RHOU: variants seen among roughly 807,000 people sequenced by gnomAD.
RHOU encodes the protein ras homolog family member U.
RHOU carries 8 observed loss-of-function variants against 12.6 expected under a neutral mutation model. The ratio of observed to expected loss-of-function variants is 0.64; its 90% CI spans 0.37 to 1.15. The LOEUF (loss-of-function observed/expected upper bound fraction) is 1.15. RHOU is among the 50% of genes most tolerant of loss of function. The pLI is 0.01. For missense variants in RHOU, 258 were observed against 347.0 expected, an observed-to-expected ratio of 0.74 and a Z score of 2.04; for synonymous variants, 161 against 147.4, an observed-to-expected ratio of 1.09 and a Z score of -0.67.
At chr1:228,657,745 G>A in the RHOU span, among the ~76,000 whole-genome samples, 1 of 152,138 alleles carries the variant, frequency 6.6e-6, no homozygotes, top group Non-Finnish European at 1.5e-5. Flanking sequence ...AGTGCACACA[G>A]GACATTCTCC....
chr1:228,688,177 G>A, the RHOU span, among the ~76,000 whole-genome samples: 629 of 152,238 alleles, frequency 4.1e-3, 1 homozygote, highest in Non-Finnish European at 6.4e-3. Context: ...TTGTGACTTG[G>A]GGTTTTCTGG....
At chr1:228,671,940 T>G in the RHOU span, among the ~76,000 whole-genome samples, 2 of 152,220 alleles carry the variant, frequency 1.3e-5, 1 homozygote, top group South Asian at 4.1e-4. Flanking sequence ...TCTGTTCTTG[T>G]ACATTCTTTT....
the RHOU span, among the ~76,000 whole-genome samples, chr1:228,728,421 A>G: frequency 1.3e-5 from 2 of 152,360 alleles, no homozygotes; most frequent in Non-Finnish European, 1.5e-5. Context: ...ATAAATAGCC[A>G]TGGTGGAAGA....
chr1:228,690,103 C>G, the RHOU span, among the ~76,000 whole-genome samples: 6 of 152,106 alleles, frequency 3.9e-5, no homozygotes, highest in Non-Finnish European at 7.3e-5. Flanking sequence ...TGTTAAAGAG[C>G]TACCTCTCTG....
Position 228,743,823 on chromosome 1 carries a change from C to T in RHOU, c.*83C>T, listed in dbSNP as rs147751132. 26 of 1,163,846 alleles carry T rather than the reference C, an allele frequency of 2.2e-5. No individual in the cohort carries two copies. The highest frequency in any genetic ancestry group is 2.0e-4 in the Middle Eastern group (1 of 4,980). The allele number at this position is 1,163,846 out of a possible 1,614,324, so 72.1% of individuals were successfully genotyped here. A position where few individuals can be genotyped will look rare whatever the true frequency, so the allele number is the denominator to read the frequency against. On this transcript the variant is annotated 3_prime_UTR_variant, in exon 3 of 3. Transcript: ENST00000366691. This position sits in a 1 kb window ranked among gnomAD's most constrained non-coding sequence, Gnocchi z 5.1. ...TTAGCTGAAACAACTCCTTTTACTGCGTAGAACCTATATCGAGAGTGTGTG... is the reference window on the plus strand; with the variant it reads ...TTAGCTGAAACAACTCCTTTTACTGTGTAGAACCTATATCGAGAGTGTGTG...
the RHOU span, among the ~76,000 whole-genome samples, chr1:228,664,879 C>T: frequency 1.3e-5 from 2 of 151,736 alleles, no homozygotes; most frequent in African/African-American, 4.8e-5. Context: ...GGTGATCCAC[C>T]GACCTCAGGT....
chr1:228,663,834 T>C, the RHOU span, among the ~76,000 whole-genome samples: 1 of 151,650 alleles, frequency 6.6e-6, no homozygotes, highest in Non-Finnish European at 1.5e-5. Context: ...GGCTTCACCA[T>C]GTTGGCCAGG....
chr1:228,651,888 G>T, the RHOU span, among the ~76,000 whole-genome samples: 2 of 152,168 alleles, frequency 1.3e-5, no homozygotes, highest in Admixed American at 1.3e-4. Context: ...GGTTTGTGGA[G>T]ACATGATATA....
chr1:228,689,380 C>T, the RHOU span, among the ~76,000 whole-genome samples: 1 of 152,108 alleles, frequency 6.6e-6, no homozygotes, highest in Non-Finnish European at 1.5e-5. Context: ...GTGAGAAACG[C>T]GATTGGGACA....
chr1:228,680,268 G>T, the RHOU span, among the ~76,000 whole-genome samples: 20 of 152,258 alleles, frequency 1.3e-4, no homozygotes, highest in Non-Finnish European at 2.5e-4. Flanking sequence ...GGCTCCAGGG[G>T]CTTCAGGAGC....
chr1:228,691,771 G>C, the RHOU span, among the ~76,000 whole-genome samples: 1 of 152,130 alleles, frequency 6.6e-6, no homozygotes, highest in East Asian at 1.9e-4. Flanking sequence ...TTAATCCTCA[G>C]TATCTAAGAA....
At chr1:228,699,447 CAAAAAAAAAAAAA>C in the RHOU span, among the ~76,000 whole-genome samples, 5 of 40,582 alleles carry the variant, frequency 1.2e-4, no homozygotes, top group African/African-American at 2.2e-4. Context: ...GAACCTGTCT[CAAAAAAAAAAAAA>C]AAAAAAAAAA....
the RHOU span, among the ~76,000 whole-genome samples, chr1:228,680,375 C>T: frequency 6.6e-6 from 1 of 152,088 alleles, no homozygotes; most frequent in Non-Finnish European, 1.5e-5. Context: ...ATTCTGAGGC[C>T]CAGTGGCCAG....
chr1:228,707,562 C>A, the RHOU span, among the ~76,000 whole-genome samples: 2 of 151,808 alleles, frequency 1.3e-5, no homozygotes, highest in Non-Finnish European at 2.9e-5. Context: ...ACACCTCACA[C>A]GGCCGGGTAC....
At chr1:228,661,044 G>T in the RHOU span, among the ~76,000 whole-genome samples, 1 of 151,560 alleles carries the variant, frequency 6.6e-6, no homozygotes, top group South Asian at 2.1e-4. Context: ...ACCAATAACA[G>T]ACAAACAGAG....
At chr1:228,716,537 T>C in the RHOU span, among the ~76,000 whole-genome samples, 2 of 152,186 alleles carry the variant, frequency 1.3e-5, no homozygotes, top group Non-Finnish European at 2.9e-5. Flanking sequence ...ACACACATTA[T>C]AGTTTAATAT....
the RHOU span, among the ~76,000 whole-genome samples, chr1:228,705,299 T>C: frequency 6.6e-6 from 1 of 152,200 alleles, no homozygotes; most frequent in Non-Finnish European, 1.5e-5. Context: ...CCACTGTAAT[T>C]TTAAATTACC....
chr1:228,729,745 C>A, the RHOU span, among the ~76,000 whole-genome samples: 7 of 152,200 alleles, frequency 4.6e-5, no homozygotes, highest in Non-Finnish European at 7.3e-5. Context: ...TATAAAACAA[C>A]ATAAACAGTT....
the RHOU span, among the ~76,000 whole-genome samples, chr1:228,646,974 C>T: frequency 2.0e-5 from 3 of 151,908 alleles, no homozygotes; most frequent in Non-Finnish European, 2.9e-5. Context: ...GGGAGAAGTA[C>T]AGAGGTACAG....
Sources: gnomAD v4.1 joint callset for allele counts (sites outside exome capture counted in the v4.1 genomes callset) on GRCh38, gnomAD v4.1.1 for gene constraint, Gnocchi (gnomAD v3.1) non-coding constraint, MANE v1.5 for transcripts, NCBI Gene and HGNC (gene_info 2026-07-23, HGNC 2026-07-21) for gene names.